MGAT4C: variants seen among roughly 807,000 people sequenced by gnomAD.
MGAT4C encodes alpha-1,3-mannosyl-glycoprotein 4-beta-N-acetylglucosaminyltransferase C.
Under a neutral mutation model 40.1 loss-of-function variants are expected in MGAT4C, and 19 were observed. That is an observed-to-expected ratio of 0.47 (90% confidence interval 0.33 to 0.70). The LOEUF (loss-of-function observed/expected upper bound fraction) is 0.70, where lower values mean the gene tolerates loss of function less well. Ranked by LOEUF, MGAT4C falls within the 30% of genes least tolerant of loss-of-function variation. MGAT4C has a pLI of 0.02. For synonymous variants in MGAT4C, 181 were observed against 187.1 expected (o/e 0.97, Z 0.27); for missense variants, 491 against 563.2 (o/e 0.87, Z 1.30).
At position 86,076,499 on chromosome 12, in the gene MGAT4C, T is replaced by A. The variant is rs2102186; in HGVS notation, c.-56-26776A>T. Among the ~76,000 whole-genome samples, 423 of 152,270 alleles carry A rather than the reference T, an allele frequency of 2.8e-3. 4 individuals are homozygous for A. The highest frequency in any genetic ancestry group is 1.0e-2 in the African/African-American group (414 of 41,558). On this transcript the variant is annotated intron_variant, in intron 1 of 4. Transcript: ENST00000611864. ...CCACTCTTGGTAGTACCAATTTCTG[T>A]ATTAGTTTGTTTCATGCTGCTGATA... is the stretch of plus-strand genomic sequence containing the variant.
At chr12:86,677,310 C>T (rs1187268348) in intron 2 of MGAT4C, among the ~76,000 whole-genome samples, 2 of 152,108 alleles carry the variant, frequency 1.3e-5, no homozygotes, top group Non-Finnish European at 2.9e-5. Flanking sequence ...CTCTTGATGG[C>T]TATTAGACTG....
rs541985320 is a variant in MGAT4C, at chr12:86,340,383, A to G, written c.-119-6256T>C. Among the ~76,000 whole-genome samples, 14 of 152,286 alleles carry G rather than the reference A, an allele frequency of 9.2e-5. No individual in the cohort carries two copies. The South Asian group carries it at 2.5e-3, about 27-fold the overall frequency. On this transcript the variant is annotated intron_variant, in intron 3 of 7. Coordinates refer to the MGAT4C transcript ENST00000548651. Reference sequence around the variant, plus strand: ...AATGAAAATAAAGCAGTGTTTAAAAAATGTTTAGCTTGAAAGCCTATATTC... The same window carrying G: ...AATGAAAATAAAGCAGTGTTTAAAAGATGTTTAGCTTGAAAGCCTATATTC...
intron 1 of MGAT4C, among the ~76,000 whole-genome samples, chr12:86,232,694 G>A (rs117463003): frequency 0.037 from 5,641 of 152,264 alleles, 130 homozygotes; most frequent in Non-Finnish European, 0.046. Context: ...AACAAGGAAT[G>A]CCAAATAAAG....
chr12:86,643,479 A>G (rs1481722135), intron 2 of MGAT4C, among the ~76,000 whole-genome samples: 2 of 151,900 alleles, frequency 1.3e-5, no homozygotes, highest in East Asian at 1.9e-4. Flanking sequence ...AAAATGTGAC[A>G]TACCCACTCA....
chr12:86,180,864 T>C (rs1307778055), intron 1 of MGAT4C, among the ~76,000 whole-genome samples: 1 of 152,086 alleles, frequency 6.6e-6, no homozygotes, highest in Non-Finnish European at 1.5e-5. Flanking sequence ...TTGAAATGAG[T>C]TAAACCTTTG....
At chr12:86,131,816 G>A (rs1012807069) in intron 1 of MGAT4C, among the ~76,000 whole-genome samples, 2 of 151,758 alleles carry the variant, frequency 1.3e-5, no homozygotes, top group Non-Finnish European at 2.9e-5. Context: ...AGCTGCTTAG[G>A]CTGTATATTA....
At chr12:86,418,071 T>C (rs1956751360) in intron 3 of MGAT4C, among the ~76,000 whole-genome samples, 1 of 152,138 alleles carries the variant, frequency 6.6e-6, no homozygotes, top group Non-Finnish European at 1.5e-5. Flanking sequence ...TGTAAATACG[T>C]ATTCAAAGAA....
chr12:86,801,372 A>G (rs569530961), intron 1 of MGAT4C, among the ~76,000 whole-genome samples: 1 of 151,892 alleles, frequency 6.6e-6, no homozygotes, highest in African/African-American at 2.4e-5. Flanking sequence ...TTACCAATGT[A>G]TGGACTGAAT....
At chr12:86,304,396 G>A (rs1953885411) in intron 4 of MGAT4C, among the ~76,000 whole-genome samples, 1 of 150,328 alleles carries the variant, frequency 6.7e-6, no homozygotes, top group African/African-American at 2.5e-5. Flanking sequence ...CTTTCTATCT[G>A]ATAATTTCTA....
intron 1 of MGAT4C, among the ~76,000 whole-genome samples, chr12:86,126,861 A>G (rs1210116899): frequency 6.6e-6 from 1 of 152,004 alleles, no homozygotes; most frequent in Non-Finnish European, 1.5e-5. Flanking sequence ...GGGGAAGACA[A>G]TTTTTCAATG....
chr12:86,020,891 GA>G (rs1242761751), intron 2 of MGAT4C, among the ~76,000 whole-genome samples: 2 of 151,924 alleles, frequency 1.3e-5, no homozygotes, highest in Non-Finnish European at 2.9e-5. Flanking sequence ...AAATTCACAA[GA>G]AAAAAACAAA....
intron 2 of MGAT4C, among the ~76,000 whole-genome samples, chr12:86,572,685 T>A (rs1960412809): frequency 6.6e-6 from 1 of 152,102 alleles, no homozygotes; most frequent in Non-Finnish European, 1.5e-5. Context: ...TTCTAACTGG[T>A]CTGCCTCAAT....
intron 3 of MGAT4C, among the ~76,000 whole-genome samples, chr12:86,392,538 T>G (rs1312919776): frequency 1.3e-5 from 2 of 151,942 alleles, no homozygotes; most frequent in Non-Finnish European, 2.9e-5. Flanking sequence ...TAATAAGTGC[T>G]CCAAAAGCCT....
chr12:86,183,007 T>C (rs1327850429), intron 1 of MGAT4C, among the ~76,000 whole-genome samples: 1 of 152,152 alleles, frequency 6.6e-6, no homozygotes, highest in Non-Finnish European at 1.5e-5. Flanking sequence ...CTGGGGTGTA[T>C]TCTGATTAGA....
chr12:86,816,087 G>A (rs1302942206), intron 1 of MGAT4C, among the ~76,000 whole-genome samples: 3 of 151,762 alleles, frequency 2.0e-5, no homozygotes, highest in Non-Finnish European at 2.9e-5. Context: ...CCCCCAATAA[G>A]ATTTTGAGTA....
intron 2 of MGAT4C, among the ~76,000 whole-genome samples, chr12:86,578,547 T>A (rs996306868): frequency 6.6e-6 from 1 of 151,828 alleles, no homozygotes; most frequent in African/African-American, 2.4e-5. Context: ...ACCTTGTTAC[T>A]TGTTATTGGC....
intron 4 of MGAT4C, among the ~76,000 whole-genome samples, chr12:86,266,205 T>C (rs776135589): frequency 6.6e-6 from 1 of 152,228 alleles, no homozygotes; most frequent in Admixed American, 6.5e-5. Flanking sequence ...CGGGCATTCT[T>C]GTCTTGCTCC....
chr12:86,422,220 C>T (rs1956841690), intron 3 of MGAT4C, among the ~76,000 whole-genome samples: 1 of 152,148 alleles, frequency 6.6e-6, no homozygotes, highest in Admixed American at 6.5e-5. Flanking sequence ...CATTCCTATC[C>T]TTCTTTACTC....
chr12:86,362,195 G>A lies in MGAT4C; in HGVS notation c.-119-28068C>T, dbSNP rs182836159. Among the ~76,000 whole-genome samples, 511 of 152,318 alleles carry A rather than the reference G, an allele frequency of 3.4e-3. 1 individual carries two copies. Among genetic ancestry groups the A allele is most frequent in the Non-Finnish European group, 5.9e-3 (404 of 68,034 alleles). ...GTTTCATGTCCTTTGTAGGGACATG[G>A]ATGAAGCTGGAAACCATCATTCTCA... On this transcript the variant is annotated intron_variant, in intron 3 of 7. Transcript: ENST00000548651.
Sources: gnomAD v4.1 joint callset for allele counts (sites outside exome capture counted in the v4.1 genomes callset) on GRCh38, gnomAD v4.1.1 for gene constraint, MANE v1.5 for transcripts, NCBI Gene and HGNC (gene_info 2026-07-23, HGNC 2026-07-21) for gene names.